TXNDC8: variants seen among roughly 807,000 people sequenced by gnomAD.
The protein encoded by TXNDC8 is thioredoxin domain-containing protein 8.
A neutral mutation model predicts 12.9 loss-of-function variants in TXNDC8; 15 were observed. That is an observed-to-expected ratio of 1.16 (90% CI 0.78 to 1.79). TXNDC8 has a LOEUF of 1.79. TXNDC8 is among the 40% of genes most tolerant of loss of function. The probability of loss-of-function intolerance (pLI) is 0.00; values close to 1 mark genes in which losing one functional copy is unlikely to be tolerated. For missense variants in TXNDC8, 128 were observed against 113.2 expected, an observed-to-expected ratio of 1.13 and a Z score of -0.59; for synonymous variants, 40 against 35.4, an observed-to-expected ratio of 1.13 and a Z score of -0.46.
intron 3 of TXNDC8, among the ~76,000 whole-genome samples, chr9:110,305,586 C>A (rs183722355): frequency 7.2e-6 from 1 of 138,306 alleles, no homozygotes. Context: ...TTCTTTCTTT[C>A]TTTCTTTCTT....
At chr9:110,318,486 C>T (rs1838966080) in intron 3 of TXNDC8, among the ~76,000 whole-genome samples, 1 of 152,184 alleles carries the variant, frequency 6.6e-6, no homozygotes, top group African/African-American at 2.4e-5. Context: ...CCTGTAATCC[C>T]AGCCCTTTGG....
At chr9:110,329,608 G>C (rs1249160671) in intron 2 of TXNDC8, among the ~76,000 whole-genome samples, 1 of 152,292 alleles carries the variant, frequency 6.6e-6, no homozygotes, top group South Asian at 2.1e-4. Context: ...GTGGAGGAAG[G>C]GATAGTAGAG....
At chr9:110,337,659 G>A in intron 1 of TXNDC8, 114 bp downstream of exon 1, 1 of 975,836 alleles carries the variant, frequency 1.0e-6, no homozygotes, top group East Asian at 2.6e-5. Flanking sequence ...CTCTCCCCTT[G>A]CTACAATGCA....
chr9:110,326,332 C>A, intron 2 of TXNDC8, 92 bp from the exon 4 acceptor site: 1 of 1,333,162 alleles, frequency 7.5e-7, no homozygotes, highest in South Asian at 1.2e-5. Context: ...GGAGGCGTGT[C>A]TGAAATTCCA....
chr9:110,324,599 C>A lies in TXNDC8; in HGVS notation c.195+1576G>T, dbSNP rs114552281. On this transcript the variant is annotated intron_variant, in intron 3 of 4. Transcript: ENST00000423740. ...TTTACTTAGCCTTTTTACTTAAAGA[C>A]ATTGAGATTGCTTTCATTTTTTAAA... is the stretch of plus-strand genomic sequence containing the variant. 3.0e-3 allele frequency among the ~76,000 whole-genome samples: 463 copies of A among 152,112 alleles called. 2 individuals are homozygous for A. Among genetic ancestry groups the A allele is most frequent in the African/African-American group, 0.011 (443 of 41,496 alleles).
chr9:110,323,312 A>G, intron 3 of TXNDC8: 1 of 985,480 alleles, frequency 1.0e-6, no homozygotes, highest in South Asian at 4.7e-5. Context: ...ATAACAGGAG[A>G]CAAGCCAGAG....
At chr9:110,310,200 GGTGT>G (rs67807947) in intron 3 of TXNDC8, among the ~76,000 whole-genome samples, 4,049 of 149,340 alleles carry the variant, frequency 0.027, 77 homozygotes, top group Non-Finnish European at 0.042. Flanking sequence ...CTTTGTGTGT[GGTGT>G]GTGTGTGTGT....
intron 2 of TXNDC8, among the ~76,000 whole-genome samples, chr9:110,332,276 G>A (rs1839576488): frequency 6.6e-6 from 1 of 152,122 alleles, no homozygotes; most frequent in African/African-American, 2.4e-5. Flanking sequence ...GGGTGGTCTG[G>A]AACTCCTGGC....
intron 3 of TXNDC8, among the ~76,000 whole-genome samples, chr9:110,312,142 C>G (rs1838713162): frequency 6.6e-6 from 1 of 151,942 alleles, no homozygotes; most frequent in African/African-American, 2.4e-5. Flanking sequence ...GTCAAGGAAA[C>G]TTTTGCTTTA....
intron 2 of TXNDC8, among the ~76,000 whole-genome samples, chr9:110,331,455 G>A (rs756609378): frequency 2.3e-4 from 35 of 152,026 alleles, no homozygotes; most frequent in South Asian, 8.3e-4. Flanking sequence ...AGTGGTTCGT[G>A]GAGTTTCTGT....
At chr9:110,312,853 T>C (rs1220482053) in intron 3 of TXNDC8, among the ~76,000 whole-genome samples, 1 of 152,212 alleles carries the variant, frequency 6.6e-6, no homozygotes, top group African/African-American at 2.4e-5. Context: ...TTTATATTAT[T>C]TTCTGCAGTT....
chr9:110,315,074 C>T (rs1838832979), intron 3 of TXNDC8, among the ~76,000 whole-genome samples: 1 of 152,114 alleles, frequency 6.6e-6, no homozygotes, highest in Non-Finnish European at 1.5e-5. Context: ...ACCCTCCTAT[C>T]CCCTGCATTT....
intron 2 of TXNDC8, among the ~76,000 whole-genome samples, chr9:110,327,462 A>T (rs1278984834): frequency 6.6e-6 from 1 of 151,694 alleles, no homozygotes; most frequent in Non-Finnish European, 1.5e-5. Context: ...AGCTGGGATT[A>T]CAGGTGTGCA....
intron 2 of TXNDC8, among the ~76,000 whole-genome samples, chr9:110,330,606 A>T (rs1158138136): frequency 1.3e-5 from 2 of 152,176 alleles, no homozygotes; most frequent in African/African-American, 4.8e-5. Flanking sequence ...CTTTTCAGGG[A>T]TCTATGCCTA....
Position 110,326,177 on chromosome 9 carries a change from T to G in TXNDC8, c.193A>C (p.Lys65Gln), listed in dbSNP as rs776967970. 1 of 1,614,030 alleles carries G rather than the reference T, an allele frequency of 6.2e-7. No homozygotes were observed. The highest frequency in any genetic ancestry group is 8.5e-7 in the Non-Finnish European group (1 of 1,179,994). The stretch of plus-strand genomic sequence containing the variant: ...TGCTGGTTACCCTGGAAACATACCT[T>G]CTGGCTTTTCTTGAACATCTGAAAT... The change falls in exon 3 of 5, where the codon AAG becomes CAG. Residue 65 changes from lysine (K) to glutamine (Q), a missense_variant and splice_region_variant. Transcript: ENST00000423740.
At chr9:110,323,270 A>G (rs1839180140) in intron 3 of TXNDC8, 3 of 985,460 alleles carry the variant, frequency 3.0e-6, no homozygotes, top group Non-Finnish European at 3.6e-6. Context: ...TTGAACCAAA[A>G]AGATAGATAT....
chr9:110,330,238 C>G (rs557707703), intron 2 of TXNDC8, among the ~76,000 whole-genome samples: 9 of 152,158 alleles, frequency 5.9e-5, no homozygotes, highest in Non-Finnish European at 1.2e-4. Context: ...TTTCCTTTTT[C>G]TCTGAAAGTC....
intron 2 of TXNDC8, among the ~76,000 whole-genome samples, chr9:110,331,878 CA>C (rs1839559925): frequency 6.6e-6 from 1 of 152,138 alleles, no homozygotes; most frequent in South Asian, 2.1e-4. Flanking sequence ...CCGAATAGGC[CA>C]TGCACCTGTG....
rs548105596 is a variant in TXNDC8, at chr9:110,324,742, G to T, written c.195+1433C>A. Among the ~76,000 whole-genome samples the T allele has an allele frequency of 4.3e-4, 66 of 152,226 alleles. 1 individual carries two copies. The highest frequency in any genetic ancestry group is 1.7e-3 in the South Asian group (8 of 4,828). Reference sequence around the variant, plus strand: ...TTGTGTAAAACGGAATAAGCATTTTGTGTCTCCTACATATGTTTGCAAAAT... The same window carrying T: ...TTGTGTAAAACGGAATAAGCATTTTTTGTCTCCTACATATGTTTGCAAAAT... On this transcript the variant is annotated intron_variant, in intron 3 of 4. Coordinates refer to ENST00000423740, the MANE Select transcript of TXNDC8 (RefSeq NM_001286946.2).
Sources: gnomAD v4.1 joint callset for allele counts (sites outside exome capture counted in the v4.1 genomes callset) on GRCh38, gnomAD v4.1.1 for gene constraint, MANE v1.5 for transcripts, NCBI Gene and HGNC (gene_info 2026-07-23, HGNC 2026-07-21) for gene names.